Variants in RABGAP1L observed in about 807,000 individuals in gnomAD.
RABGAP1L encodes RAB GTPase activating protein 1 like, also known as rab GTPase-activating protein 1-like.
In RABGAP1L, 63 loss-of-function variants were observed where a neutral mutation model predicts 137.7. That is an observed-to-expected ratio of 0.46 (90% CI 0.37 to 0.56). RABGAP1L has a LOEUF of 0.56. Ranked by LOEUF, RABGAP1L falls within the 20% of genes least tolerant of loss-of-function variation. The pLI, the probability that RABGAP1L is intolerant of heterozygous loss-of-function variation, is 0.00. For synonymous variants in RABGAP1L, 431 were observed against 433.7 expected (o/e 0.99, Z 0.08); for missense variants, 1,095 against 1,244.0 (o/e 0.88, Z 1.80).
chr1:174,931,443 A>G (rs1385978293), intron 19 of RABGAP1L, among the ~76,000 whole-genome samples: 2 of 152,176 alleles, frequency 1.3e-5, no homozygotes, highest in African/African-American at 4.8e-5. Flanking sequence ...TTCAAGCTAA[A>G]TAGAAGCCAG....
intron 13 of RABGAP1L, among the ~76,000 whole-genome samples, chr1:174,618,351 G>T (rs1039825119): frequency 2.6e-5 from 4 of 152,074 alleles, no homozygotes; most frequent in African/African-American, 9.7e-5. Flanking sequence ...CTCCTCAAGT[G>T]GGTCTCTGAC....
At chr1:174,678,494 A>T (rs948166930) in intron 14 of RABGAP1L, among the ~76,000 whole-genome samples, 7 of 152,348 alleles carry the variant, frequency 4.6e-5, no homozygotes, top group African/African-American at 1.7e-4. Context: ...TAACAAACTT[A>T]ATACGGTAAT....
chr1:174,248,523 C>G (rs943483176), intron 5 of RABGAP1L, among the ~76,000 whole-genome samples: 1 of 152,072 alleles, frequency 6.6e-6, no homozygotes, highest in African/African-American at 2.4e-5. Context: ...AGAAGTTGAA[C>G]TTTAGACTGG....
chr1:174,969,172 T>C (rs1044636386), intron 20 of RABGAP1L, 105 bp from the exon 21 acceptor site: 7 of 851,540 alleles, frequency 8.2e-6, no homozygotes, highest in Non-Finnish European at 1.1e-5. Flanking sequence ...TTCTCCTTTT[T>C]ACACCTTTGA....
intron 19 of RABGAP1L, among the ~76,000 whole-genome samples, chr1:174,924,375 G>A (rs1662335116): frequency 1.0e-5 from 1 of 95,564 alleles, no homozygotes; most frequent in Non-Finnish European, 1.8e-5. Context: ...GACAGAGCAA[G>A]ACTCTGTCTC....
chr1:174,896,031 G>A (rs1012503954), intron 19 of RABGAP1L, among the ~76,000 whole-genome samples: 6 of 152,160 alleles, frequency 3.9e-5, no homozygotes, highest in African/African-American at 9.7e-5. Flanking sequence ...GTCTTCCACA[G>A]TGGGTGAACT....
chr1:174,582,513 G>T (rs1668819098), intron 13 of RABGAP1L, among the ~76,000 whole-genome samples: 1 of 152,120 alleles, frequency 6.6e-6, no homozygotes, highest in African/African-American at 2.4e-5. Context: ...GCTGAGGCGA[G>T]AGAAATTACT....
At chr1:174,346,276 CCTTTCTCCTCCTT>C (rs1259250336) in intron 11 of RABGAP1L, among the ~76,000 whole-genome samples, 1 of 152,046 alleles carries the variant, frequency 6.6e-6, no homozygotes, top group Non-Finnish European at 1.5e-5. Flanking sequence ...TGGAAGTATT[CCTTTCTCCTCCTT>C]TTTTTGAAAT....
In RABGAP1L at chr1:174,429,993, T is replaced by G. The variant is rs189092015; in HGVS notation, c.1710+35848T>G. On this transcript the variant is annotated intron_variant, in intron 13 of 25. Transcript: ENST00000681986. ...AGGAACATATGAAACTAAAGATGCT[T>G]CTTGATTTTTTGATACAAAGCATGT... 5.4e-4 allele frequency among the ~76,000 whole-genome samples: 82 copies of G among 152,272 alleles called. 1 individual carries two copies. The highest frequency in any genetic ancestry group is 1.9e-3 in the African/African-American group (80 of 41,568).
At chr1:174,865,515 C>T (rs1446584458) in intron 19 of RABGAP1L, among the ~76,000 whole-genome samples, 1 of 152,196 alleles carries the variant, frequency 6.6e-6, no homozygotes, top group Middle Eastern at 3.2e-3. Context: ...TTTTCTTTCA[C>T]AGGCAAGAAC....
chr1:174,841,621 T>A (rs900419268), intron 19 of RABGAP1L, among the ~76,000 whole-genome samples: 3 of 151,978 alleles, frequency 2.0e-5, no homozygotes, highest in African/African-American at 7.2e-5. Context: ...GCTGATTTTT[T>A]AAAAATATGA....
Position 174,637,533 on chromosome 1 carries a change from A to G in RABGAP1L, c.1824+45A>G, listed in dbSNP as rs1285345123. ...TTTTTCTAAATTATTTTACAGAGCT[A>G]TATTTTAGAAACCCATTTAAGGATT... On this transcript the variant is annotated intron_variant, in intron 14 of 25. Coordinates refer to ENST00000681986, the MANE Select transcript of RABGAP1L (RefSeq NM_001366446.1). 4.4e-6 allele frequency: 6 copies of G among 1,377,266 alleles called. No individual in the cohort carries two copies. The South Asian group carries it at 7.1e-5, about 16-fold the overall frequency. 85.3% of individuals were successfully genotyped at this position (1,377,266 alleles called of 1,614,324 possible).
At chr1:174,684,190 A>G (rs1678293755) in intron 15 of RABGAP1L, among the ~76,000 whole-genome samples, 1 of 152,206 alleles carries the variant, frequency 6.6e-6, no homozygotes, top group African/African-American at 2.4e-5. Flanking sequence ...CTCATTAAAT[A>G]ACTTACAGTA....
intron 13 of RABGAP1L, among the ~76,000 whole-genome samples, chr1:174,409,208 A>C (rs547573056): frequency 1.3e-5 from 2 of 152,326 alleles, no homozygotes; most frequent in African/African-American, 4.8e-5. Flanking sequence ...TGGAGATTTC[A>C]TTTTAATATG....
At chr1:174,635,996 CATT>C (rs1673990522) in intron 13 of RABGAP1L, among the ~76,000 whole-genome samples, 1 of 152,252 alleles carries the variant, frequency 6.6e-6, no homozygotes, top group African/African-American at 2.4e-5. Context: ...GGAAATAAGA[CATT>C]AAGCAATTCT....
chr1:174,208,210 G>A (rs1228021475), intron 1 of RABGAP1L, among the ~76,000 whole-genome samples: 2 of 150,966 alleles, frequency 1.3e-5, no homozygotes, highest in African/African-American at 2.4e-5. Flanking sequence ...AGTGACTTTT[G>A]TATATTGACC....
chr1:174,596,330 G>T lies in RABGAP1L; in HGVS notation c.1711-41045G>T, dbSNP rs535741125. Among the ~76,000 whole-genome samples the T allele has an allele frequency of 1.6e-3, 249 of 152,042 alleles. 1 individual carries two copies. The highest frequency in any genetic ancestry group is 2.6e-3 in the Admixed American group (40 of 15,268). Reference sequence around the variant, plus strand: ...CCCGTCTTCTGCGTGGCTCACGCTGGGAGCTGTAGACCGGAGCTGTTCCTA... The same window carrying T: ...CCCGTCTTCTGCGTGGCTCACGCTGTGAGCTGTAGACCGGAGCTGTTCCTA... On this transcript the variant is annotated intron_variant, in intron 13 of 25. Coordinates refer to ENST00000681986, the MANE Select transcript of RABGAP1L (RefSeq NM_001366446.1).
chr1:174,170,559 C>T (rs922768953), intron 1 of RABGAP1L, among the ~76,000 whole-genome samples: 1 of 151,510 alleles, frequency 6.6e-6, no homozygotes, highest in African/African-American at 2.4e-5. Context: ...CCTGTAATCC[C>T]AGCTGCTCGG....
chr1:174,927,888 C>T (rs1394952861), intron 19 of RABGAP1L, among the ~76,000 whole-genome samples: 2 of 152,186 alleles, frequency 1.3e-5, no homozygotes, highest in African/African-American at 4.8e-5. Flanking sequence ...TTGCTCACAG[C>T]TGCTTGGTGA....
Sources: allele counts gnomAD v4.1 joint callset (sites outside exome capture counted in the v4.1 genomes callset), GRCh38; gene constraint gnomAD v4.1.1; transcripts MANE v1.5; gene names NCBI Gene and HGNC (gene_info 2026-07-23, HGNC 2026-07-21).